AMD1: variants seen among roughly 807,000 people sequenced by gnomAD.
AMD1 encodes S-adenosylmethionine decarboxylase proenzyme.
In AMD1, 11 loss-of-function variants were observed where a neutral mutation model predicts 40.2. That is an observed-to-expected ratio of 0.27 (90% CI 0.17 to 0.45). The LOEUF (loss-of-function observed/expected upper bound fraction) is 0.45. Among genes scored for constraint, AMD1 ranks in the 20% least tolerant of loss-of-function variants. AMD1 has a pLI of 1.00. For synonymous variants in AMD1, 121 were observed against 130.8 expected, an observed-to-expected ratio of 0.93 and a Z score of 0.51; for missense variants, 257 against 410.2, an observed-to-expected ratio of 0.63 and a Z score of 3.23.
chr6:110,835,021 ATT>A, the AMD1 span, among the ~76,000 whole-genome samples: 4 of 131,708 alleles, frequency 3.0e-5, no homozygotes, highest in Admixed American at 7.8e-5. Flanking sequence ...TGCGGATACT[ATT>A]TTTTTTTTTT....
chr6:110,839,517 A>G, the AMD1 span, among the ~76,000 whole-genome samples: 1 of 152,180 alleles, frequency 6.6e-6, no homozygotes, highest in African/African-American at 2.4e-5. Context: ...GCTACCTGGG[A>G]GGCCGAGGCA....
At chr6:110,837,745 A>AATATATATATATATATAT in the AMD1 span, among the ~76,000 whole-genome samples, 39 of 17,820 alleles carry the variant, frequency 2.2e-3, no homozygotes, top group Non-Finnish European at 2.8e-3. Flanking sequence ...AAAAAAAAAA[A>AATATATATATATATATAT]ATATATATAT....
At chr6:110,847,599 G>T in the AMD1 span, among the ~76,000 whole-genome samples, 1 of 151,998 alleles carries the variant, frequency 6.6e-6, no homozygotes, top group Non-Finnish European at 1.5e-5. Flanking sequence ...ATTGAATAAG[G>T]TCCACCCAGA....
chr6:110,862,803 T>C, the AMD1 span, among the ~76,000 whole-genome samples: 1 of 152,054 alleles, frequency 6.6e-6, no homozygotes, highest in Admixed American at 6.6e-5. Context: ...CTCTCTTTAA[T>C]GTTGAAGGCT....
At chr6:110,879,143 C>A (rs1323719286) in intron 1 of AMD1, among the ~76,000 whole-genome samples, 2 of 152,098 alleles carry the variant, frequency 1.3e-5, no homozygotes, top group African/African-American at 4.8e-5. Context: ...TTTGAGAGCC[C>A]AGTCTGGGCA....
chr6:110,853,281 T>A, the AMD1 span, among the ~76,000 whole-genome samples: 1 of 150,688 alleles, frequency 6.6e-6, no homozygotes, highest in South Asian at 2.1e-4. Flanking sequence ...TACTACCATG[T>A]TCAGCGAATT....
At chr6:110,865,747 TTTTCTTTTTTTCTTTC>T in the AMD1 span, among the ~76,000 whole-genome samples, 1 of 151,906 alleles carries the variant, frequency 6.6e-6, no homozygotes, top group Admixed American at 6.6e-5. Flanking sequence ...TTTCATTAAA[TTTTCTTTTTTTCTTTC>T]TTTCTTTTTT....
the AMD1 span, among the ~76,000 whole-genome samples, chr6:110,859,451 G>T: frequency 6.6e-6 from 1 of 152,134 alleles, no homozygotes; most frequent in African/African-American, 2.4e-5. Flanking sequence ...GGCTTGGAGG[G>T]ACCCAGTCCC....
the AMD1 span, among the ~76,000 whole-genome samples, chr6:110,833,379 A>T: frequency 4.6e-5 from 7 of 152,226 alleles, no homozygotes; most frequent in African/African-American, 1.7e-4. Flanking sequence ...CAGAAAAATT[A>T]AACAAAAATG....
At chr6:110,861,085 A>G in the AMD1 span, among the ~76,000 whole-genome samples, 1 of 152,034 alleles carries the variant, frequency 6.6e-6, no homozygotes, top group Middle Eastern at 3.4e-3. Context: ...TGGGCTGGGC[A>G]CGCTGGCTCA....
chr6:110,815,262 C>G, the AMD1 span: 3 of 1,060,570 alleles, frequency 2.8e-6, no homozygotes, highest in African/African-American at 3.4e-5. Context: ...CGCGCGCCGC[C>G]CGCCGCCCGC....
At position 110,894,210 on chromosome 6, in the gene AMD1, A is replaced by C. The variant is rs1156934738; in HGVS notation, c.*594A>C. The C allele has an allele frequency of 6.5e-6, 1 of 152,944 alleles. No individual in the cohort carries two copies. The highest frequency in any genetic ancestry group is 1.5e-5 in the Non-Finnish European group (1 of 68,284). 9.5% of individuals were successfully genotyped at this position (152,944 alleles called of 1,614,324 possible). A position where few individuals can be genotyped will look rare whatever the true frequency, so the allele number is the denominator to read the frequency against. On this transcript the variant is annotated 3_prime_UTR_variant, in exon 9 of 9. Coordinates refer to ENST00000368885, the MANE Select transcript of AMD1 (RefSeq NM_001634.6). ...AAATGATTCCAGTTACTCATTTTGC[A>C]TATTTGCTATTTTAACATTATTGGA...
chr6:110,843,656 G>A, the AMD1 span, among the ~76,000 whole-genome samples: 2 of 152,000 alleles, frequency 1.3e-5, no homozygotes, highest in Non-Finnish European at 1.5e-5. Context: ...GCGCCATCTT[G>A]GCTCACTGTA....
the AMD1 span, among the ~76,000 whole-genome samples, chr6:110,854,423 A>G: frequency 6.6e-6 from 1 of 152,052 alleles, no homozygotes; most frequent in African/African-American, 2.4e-5. Flanking sequence ...AGTACAAAGG[A>G]TAAAAGAATC....
At chr6:110,860,114 A>AC in the AMD1 span, among the ~76,000 whole-genome samples, 4 of 152,104 alleles carry the variant, frequency 2.6e-5, no homozygotes, top group African/African-American at 9.7e-5. Context: ...GGCATGAGCC[A>AC]CCATGCCCAG....
the AMD1 span, among the ~76,000 whole-genome samples, chr6:110,834,349 A>G: frequency 1.3e-5 from 2 of 151,680 alleles, no homozygotes; most frequent in Non-Finnish European, 2.9e-5. Context: ...CTAAAAAATA[A>G]TAATAATATT....
At chr6:110,829,548 A>G in the AMD1 span, among the ~76,000 whole-genome samples, 1 of 152,090 alleles carries the variant, frequency 6.6e-6, no homozygotes, top group Admixed American at 6.6e-5. Context: ...AGGTGCCTGT[A>G]GTCCCAGCTA....
chr6:110,819,791 A>G, the AMD1 span, among the ~76,000 whole-genome samples: 351 of 152,308 alleles, frequency 2.3e-3, 9 homozygotes, highest in East Asian at 0.058. Context: ...CAAGATACAG[A>G]TCATAAAGAC....
chr6:110,839,589 C>T, the AMD1 span, among the ~76,000 whole-genome samples: 1 of 152,224 alleles, frequency 6.6e-6, no homozygotes, highest in African/African-American at 2.4e-5. Flanking sequence ...CCACTGCACT[C>T]CAGCCTGGGG....
Sources: gnomAD v4.1 joint callset for allele counts (sites outside exome capture counted in the v4.1 genomes callset) on GRCh38, gnomAD v4.1.1 for gene constraint, MANE v1.5 for transcripts, NCBI Gene and HGNC (gene_info 2026-07-23, HGNC 2026-07-21) for gene names.